DNHD1: variants seen among roughly 807,000 people sequenced by gnomAD.
The protein encoded by DNHD1 is dynein heavy chain domain 1, also known as dynein heavy chain domain-containing protein 1.
In DNHD1, 383 loss-of-function variants were observed where a neutral mutation model predicts 458.1. The ratio of observed to expected loss-of-function variants is 0.84; its 90% CI spans 0.77 to 0.91. The LOEUF is 0.91. Among genes scored for constraint, DNHD1 ranks in the 40% least tolerant of loss-of-function variants. The pLI is 0.00. For synonymous variants in DNHD1, 2,203 were observed against 2,376.9 expected (o/e 0.93, Z 2.13); for missense variants, 5,336 against 5,866.1 (o/e 0.91, Z 2.95).
chr11:6,536,677 T>A (rs1852957990), intron 14 of DNHD1, among the ~76,000 whole-genome samples: 1 of 152,206 alleles, frequency 6.6e-6, no homozygotes. Context: ...CATTTTCAGA[T>A]AAAAAGTTTT....
chr11:6,541,306 CT>C (rs1853094297), intron 18 of DNHD1, among the ~76,000 whole-genome samples: 2 of 152,214 alleles, frequency 1.3e-5, no homozygotes, highest in Admixed American at 6.5e-5. Context: ...GAAACAGCAA[CT>C]TTCCCCCCAC....
At chr11:6,517,737 T>C (rs545804040) in intron 7 of DNHD1, among the ~76,000 whole-genome samples, 1 of 124,414 alleles carries the variant, frequency 8.0e-6, no homozygotes, top group Non-Finnish European at 1.6e-5. Context: ...TCTAATCACC[T>C]CCCCAAAGAC....
chr11:6,558,489 C>T lies in DNHD1; in HGVS notation c.9007C>T (p.His3003Tyr). The change falls in exon 26 of 43, where the codon CAC becomes TAC. Residue 3003 changes from histidine (H) to tyrosine (Y), a missense_variant. Physicochemically the swap from His to Tyr is moderately conservative, Grantham distance 83 (BLOSUM62 2). Around this residue, in one of 4 missense-constraint regions of DNHD1, gnomAD observed 3,932 missense variants for 4,365.6 expected, o/e 0.90. Transcript: ENST00000254579. ...IKKEMVLQRF[H>Y]QQVCSHLHLF... ...TAGCTGAGCCCTGGCCCACAGGTTCCACCAGCAAGTGTGCAGCCACCTTCA... is the reference window on the plus strand; with the variant it reads ...TAGCTGAGCCCTGGCCCACAGGTTCTACCAGCAAGTGTGCAGCCACCTTCA... 1 of 1,551,614 alleles carries T rather than the reference C, an allele frequency of 6.4e-7. No individual in the cohort carries two copies.
In DNHD1 at chr11:6,563,708, C is replaced by T; in HGVS notation, c.9868C>T (p.Pro3290Ser). The change falls in exon 31 of 43, where the codon CCC becomes TCC. Residue 3290 changes from proline to serine, a missense_variant. Coordinates refer to ENST00000254579, the MANE Select transcript of DNHD1 (RefSeq NM_144666.3). ...ATCCTTCCAGGAGCTGGTGTTCTTC[C>T]CCAAGGAGAAGATAACAGACTCAGA... is the stretch of plus-strand genomic sequence containing the variant. The part of the protein sequence containing the change: ...EDFYQELVFF[P>S]KEKITDSELI... 7 of 1,545,614 alleles carry T rather than the reference C, an allele frequency of 4.5e-6. No individual in the cohort carries two copies. The highest frequency in any genetic ancestry group is 6.1e-6 in the Non-Finnish European group (7 of 1,143,898).
chr11:6,523,522 C>T (rs926431395), intron 10 of DNHD1, among the ~76,000 whole-genome samples: 1 of 152,016 alleles, frequency 6.6e-6, no homozygotes, highest in Non-Finnish European at 1.5e-5. Context: ...TCAAGGAAAC[C>T]TATAGTAAAG....
chr11:6,498,588 G>T lies in DNHD1; in HGVS notation c.373G>T (p.Asp125Tyr). The T allele has an allele frequency of 6.2e-7, 1 of 1,614,208 alleles. No homozygotes were observed. Residue 125 changes from aspartate to tyrosine, a missense_variant, in exon 3 of 43, where the codon GAC (aspartate) becomes TAC (tyrosine). Physicochemically the swap from Asp to Tyr is radical, Grantham distance 160. Coordinates refer to ENST00000254579, the MANE Select transcript of DNHD1 (RefSeq NM_144666.3). ...CTGGGTCCAAACCCACCTCCATCTG[G>T]ACCTGCTAGGTGCCATTGTCCAGGC... is the stretch of plus-strand genomic sequence containing the variant. ...APWVQTHLHL[D>Y]LLGAIVQAFP...
intron 7 of DNHD1, among the ~76,000 whole-genome samples, chr11:6,512,274 G>A (rs1473789238): frequency 3.9e-5 from 5 of 129,240 alleles, no homozygotes; most frequent in South Asian, 2.6e-4. Context: ...AGGCTGGAGT[G>A]CAGTGGCGGG....
At chr11:6,555,676 AAAG>A (rs1389632578) in intron 24 of DNHD1, among the ~76,000 whole-genome samples, 2 of 152,242 alleles carry the variant, frequency 1.3e-5, no homozygotes, top group East Asian at 3.8e-4. Flanking sequence ...CTGCTGAGTA[AAAG>A]AAGATAGACA....
chr11:6,565,524 A>G (rs1447212694), intron 32 of DNHD1, among the ~76,000 whole-genome samples, 171 bp from the exon 33 acceptor site: 1 of 152,220 alleles, frequency 6.6e-6, no homozygotes, highest in Non-Finnish European at 1.5e-5. Context: ...CGCCACTAAT[A>G]TCAACCCCAT....
At chr11:6,568,280 C>T in intron 37 of DNHD1, 38 bp downstream of exon 37, 1 of 1,532,456 alleles carries the variant, frequency 6.5e-7, no homozygotes, top group Non-Finnish European at 8.8e-7. Flanking sequence ...AGGATCCTAT[C>T]CTACACTTGG....
At chr11:6,550,708 A>G (rs1237476142) in intron 24 of DNHD1, among the ~76,000 whole-genome samples, 2 of 152,228 alleles carry the variant, frequency 1.3e-5, no homozygotes, top group African/African-American at 4.8e-5. Flanking sequence ...AATAGTTTGC[A>G]TAAGGAAGTT....
At chr11:6,569,188 G>A (rs1315326071) in intron 39 of DNHD1, among the ~76,000 whole-genome samples, 1 of 152,184 alleles carries the variant, frequency 6.6e-6, no homozygotes, top group Non-Finnish European at 1.5e-5. Flanking sequence ...GGGCCTTTAA[G>A]ACTAGGGCAA....
Position 6,548,969 on chromosome 11 carries a change from G to C in DNHD1, c.7387+36G>C, listed in dbSNP as rs1196499492. ...GCGAAGAGGGAAGGAAGGAGCTACTGTCATCTCTTGAGACTATAAAATCCC... is the reference window on the plus strand; with the variant it reads ...GCGAAGAGGGAAGGAAGGAGCTACTCTCATCTCTTGAGACTATAAAATCCC... On this transcript the variant is annotated intron_variant, in intron 24 of 42. Transcript: ENST00000254579. This position sits in a 1 kb window ranked among gnomAD's most constrained non-coding sequence, Gnocchi z 4.4. 6 of 1,543,314 alleles carry C rather than the reference G, an allele frequency of 3.9e-6. No individual in the cohort carries two copies. In the East Asian group the frequency reaches 1.5e-4, roughly 38 times the overall value.
In DNHD1 at chr11:6,545,666, T is replaced by C. The variant is rs573172335; in HGVS notation, c.4727T>C (p.Val1576Ala). 47 of 1,551,712 alleles carry C rather than the reference T, an allele frequency of 3.0e-5. No individual in the cohort carries two copies. The South Asian group carries it at 5.1e-4, about 17-fold the overall frequency. The change falls in exon 21 of 43, where the codon GTC becomes GCC. Residue 1576 changes from valine (V) to alanine (A), a missense_variant. This residue lies in a region of DNHD1 where 3,932 missense variants were observed against 4,365.6 expected (regional missense o/e 0.90). Transcript: ENST00000254579. The surrounding 1 kb of genome is among the most constrained non-coding windows in gnomAD (Gnocchi z 4.9). ...ACCAGCCTTCTCAGTGCCCTGCTGG[T>C]CATGGCAGTGACTCACCGGGATATA... ...RQTSLLSALLVMAVTHRDIAQ... is the reference protein window; with the variant it reads ...RQTSLLSALLAMAVTHRDIAQ...
In DNHD1 at chr11:6,547,615, A is replaced by C; in HGVS notation, c.6676A>C (p.Ser2226Arg). The change falls in exon 21 of 43, where the codon AGT becomes CGT. Residue 2226 changes from serine to arginine, a missense_variant. This residue lies in a region of DNHD1 where 3,932 missense variants were observed against 4,365.6 expected (regional missense o/e 0.90). Coordinates refer to ENST00000254579, the MANE Select transcript of DNHD1 (RefSeq NM_144666.3). ...EVTSMARILH[S>R]LLDLHLRLKE... is the part of the protein sequence containing the mutation. ...TACCAGCATGGCACGCATCTTGCAT[A>C]GTCTGCTTGACCTCCACCTTCGCCT... 6.5e-7 allele frequency: 1 copy of C among 1,541,382 alleles called. No individual in the cohort carries two copies. Among genetic ancestry groups the C allele is most frequent in the Non-Finnish European group, 8.8e-7 (1 of 1,139,124 alleles).
At chr11:6,527,983 C>T (rs1852744341) in intron 10 of DNHD1, among the ~76,000 whole-genome samples, 1 of 152,220 alleles carries the variant, frequency 6.6e-6, no homozygotes, top group South Asian at 2.1e-4. Context: ...CTACAAACTA[C>T]ACTTCCCAGA....
In DNHD1 at chr11:6,545,342, C is replaced by A; in HGVS notation, c.4403C>A (p.Ala1468Asp). The A allele has an allele frequency of 6.4e-7, 1 of 1,551,768 alleles. No individual in the cohort carries two copies. Among genetic ancestry groups the A allele is most frequent in the Non-Finnish European group, 8.7e-7 (1 of 1,147,012 alleles). The change falls in exon 21 of 43, where the codon GCT (alanine) becomes GAT (aspartate). Residue 1468 changes from alanine to aspartate, a missense_variant. This residue lies in a region of DNHD1 where 3,932 missense variants were observed against 4,365.6 expected (regional missense o/e 0.90). Transcript: ENST00000254579. The surrounding 1 kb of genome is among the most constrained non-coding windows in gnomAD (Gnocchi z 4.9). ...GTGCACATGCTGCAGGGCTGTGTGGCTGCTCGCCTTGCTCGAGGCCCATCT... is the reference window on the plus strand; with the variant it reads ...GTGCACATGCTGCAGGGCTGTGTGGATGCTCGCCTTGCTCGAGGCCCATCT... The part of the protein sequence containing the change: ...ALVHMLQGCV[A>D]ARLARGPSLG...
intron 4 of DNHD1, chr11:6,508,438 G>C (rs1852269840): frequency 6.4e-6 from 1 of 157,282 alleles, no homozygotes; most frequent in Non-Finnish European, 1.4e-5. Flanking sequence ...CAGTACCCAA[G>C]TATATGTGTA....
In DNHD1 at chr11:6,567,132, T is replaced by C. The variant is rs1341752086; in HGVS notation, c.11623T>C (p.Cys3875Arg). 16 of 1,613,918 alleles carry C rather than the reference T, an allele frequency of 9.9e-6. No individual in the cohort carries two copies. The highest frequency in any genetic ancestry group is 1.4e-5 in the Non-Finnish European group (16 of 1,179,892). ...ACTGCAGAACCTGCTGCCACTTTTC[T>C]GTATGAGCCCAGAGAACTGGCTGGC... ...SQLQNLLPLFCMSPENWLAVT... is the reference protein window; with the variant it reads ...SQLQNLLPLFRMSPENWLAVT... The change falls in exon 36 of 43, where the codon TGT becomes CGT. Residue 3875 changes from cysteine to arginine, a missense_variant. Cys to Arg is a radical substitution (Grantham distance 180). Around this residue, in one of 4 missense-constraint regions of DNHD1, gnomAD observed 695 missense variants for 804.2 expected, o/e 0.86. Transcript: ENST00000254579.
Sources: gnomAD v4.1 joint callset for allele counts (sites outside exome capture counted in the v4.1 genomes callset) on GRCh38, gnomAD v4.1.1 for gene constraint, gnomAD v4.1.1 regional missense constraint, Gnocchi (gnomAD v3.1) non-coding constraint, MANE v1.5 for transcripts, NCBI Gene and HGNC (gene_info 2026-07-23, HGNC 2026-07-21) for gene names.